TELO2: variants seen among roughly 807,000 people sequenced by gnomAD.
TELO2 encodes telomere length regulation protein TEL2 homolog.
In TELO2, 71 loss-of-function variants were observed where a neutral mutation model predicts 91.0. The ratio of observed to expected loss-of-function variants is 0.78; its 90% CI spans 0.64 to 0.95. TELO2 has a LOEUF of 0.95. TELO2 is among the 40% of genes least tolerant of loss of function. The pLI is 0.00. For missense variants in TELO2, 1,183 were observed against 1,141.3 expected (o/e 1.04, Z -0.53); for synonymous variants, 584 against 518.9 (o/e 1.13, Z -1.71).
chr16:1,506,787 G>A, intron 17 of TELO2, 165 bp from the exon 18 acceptor site: 1 of 1,416,578 alleles, frequency 7.1e-7, no homozygotes, highest in South Asian at 1.5e-5. Context: ...TGCAGGGGGA[G>A]TAGGCACCCG....
intron 17 of TELO2, chr16:1,506,688 G>A (rs2039905247): frequency 1.5e-6 from 2 of 1,378,694 alleles, no homozygotes; most frequent in Non-Finnish European, 1.9e-6. Flanking sequence ...AGATGGCAGA[G>A]AAGTGTGGGG....
At chr16:1,500,874 C>G (rs1230498625) in intron 9 of TELO2, among the ~76,000 whole-genome samples, 175 bp downstream of exon 9, 1 of 152,234 alleles carries the variant, frequency 6.6e-6, no homozygotes, top group Non-Finnish European at 1.5e-5. Flanking sequence ...CCCTGAGCTC[C>G]TGGGGCCACA....
chr16:1,507,095 G>A (rs1678484268), intron 18 of TELO2, 44 bp downstream of exon 18: 1 of 1,555,494 alleles, frequency 6.4e-7, no homozygotes, highest in Non-Finnish European at 8.7e-7. Context: ...TGCTAACCAT[G>A]GATCAGGAGC....
Position 1,507,265 on chromosome 16 carries a change from G to A in TELO2, c.2227-41G>A, listed in dbSNP as rs373887061. On this transcript the variant is annotated intron_variant, in intron 18 of 20. Transcript: ENST00000262319. ...CCCATGGGTGCTGGGATGTGGGGAC[G>A]GCGTCGGGACCCCACTGACTGTCCC... The A allele has an allele frequency of 5.6e-5, 89 of 1,598,116 alleles. 1 individual carries two copies. The Admixed American group carries it at 5.7e-4, about 10-fold the overall frequency.
rs769892759 is a variant in TELO2 at position 1,502,657 on chromosome 16, C to G, written c.1666C>G (p.Leu556Val). ...CCCCTGCGTGCAGGTGAGCGTGGAG[C>G]TGGCCAAGGTGCTTCTGCATCTGGA... Reference protein sequence around the residue: ...PTATREVSVELAKVLLHLEEK... With the variant: ...PTATREVSVEVAKVLLHLEEK... The change falls in exon 14 of 21, where the codon CTG (leucine) becomes GTG (valine). Residue 556 changes from leucine to valine, a missense_variant. Coordinates refer to ENST00000262319, the MANE Select transcript of TELO2 (RefSeq NM_016111.4). 6.2e-7 allele frequency: 1 copy of G among 1,611,870 alleles called. No homozygotes were observed. Among genetic ancestry groups the G allele is most frequent in the East Asian group, 2.2e-5 (1 of 44,862 alleles).
chr16:1,504,671 C>T (rs1488253768), intron 15 of TELO2, among the ~76,000 whole-genome samples: 1 of 149,128 alleles, frequency 6.7e-6, no homozygotes, highest in Non-Finnish European at 1.5e-5. Flanking sequence ...CATTCTCCTG[C>T]CTCAGCCTCC....
At chr16:1,498,344 T>C (rs1017202592) in intron 5 of TELO2, among the ~76,000 whole-genome samples, 1 of 152,020 alleles carries the variant, frequency 6.6e-6, no homozygotes, top group African/African-American at 2.4e-5. Flanking sequence ...TGGGTGAGGG[T>C]GTGTGTGTGT....
chr16:1,500,719 C>T lies in TELO2; in HGVS notation c.1281+20C>T, dbSNP rs201586497. ...TTCCAGGTGAGCGGGCCGTCCCCTC[C>T]GCGTCCCCGTGTGGCTGGCCCGGGT... On this transcript the variant is annotated intron_variant, in intron 9 of 20. Coordinates refer to ENST00000262319, the MANE Select transcript of TELO2 (RefSeq NM_016111.4). 1.1e-4 allele frequency: 176 copies of T among 1,610,656 alleles called. 1 individual carries two copies. In the East Asian group the frequency reaches 2.2e-3, roughly 20 times the overall value.
chr16:1,508,995 A>G (rs12597787), intron 20 of TELO2, among the ~76,000 whole-genome samples: 7,325 of 149,966 alleles, frequency 0.049, 449 homozygotes, highest in East Asian at 0.19. Flanking sequence ...ACCCCTCCTC[A>G]GCATGCTGTC....
Position 1,507,342 on chromosome 16 carries a change from G to C in TELO2, c.2263G>C (p.Val755Leu). The change falls in exon 19 of 21, where the codon GTG (valine) becomes CTG (leucine). Residue 755 changes from valine to leucine, a missense_variant. Physicochemically the swap from Val to Leu is conservative, Grantham distance 32. Coordinates refer to ENST00000262319, the MANE Select transcript of TELO2 (RefSeq NM_016111.4). The stretch of plus-strand genomic sequence containing the variant: ...CATGGGCAAGGCCCTGCTGGAATTC[G>C]TGTGGGCCCTTCGCTTCCACATCGA... ...VAMGKALLEF[V>L]WALRFHIDAY... 2 of 1,610,900 alleles carry C rather than the reference G, an allele frequency of 1.2e-6. No individual in the cohort carries two copies. The highest frequency in any genetic ancestry group is 1.7e-6 in the Non-Finnish European group (2 of 1,179,916).
chr16:1,506,624 C>T (rs1291388826), intron 17 of TELO2: 116 of 1,386,212 alleles, frequency 8.4e-5, no homozygotes, highest in Non-Finnish European at 1.1e-4. Flanking sequence ...TGCTCGCCTC[C>T]TCCTGCCTCA....
At chr16:1,495,648 C>T in intron 3 of TELO2, 25 bp downstream of exon 3, 3 of 1,560,024 alleles carry the variant, frequency 1.9e-6, no homozygotes, top group African/African-American at 1.4e-5. Context: ...CGGGGACCCC[C>T]TTTGCCACCC....
intron 15 of TELO2, among the ~76,000 whole-genome samples, chr16:1,504,259 CCT>C (rs2039804696): frequency 6.6e-6 from 1 of 151,194 alleles, no homozygotes; most frequent in Admixed American, 6.6e-5. Flanking sequence ...ATGGTGAAAC[CCT>C]GTTTCTACTA....
chr16:1,494,312 G>C lies in TELO2; in HGVS notation c.31G>C (p.Ala11Pro). MEPAPSEVRL[A>P]VREAIHALSS... The stretch of plus-strand genomic sequence containing the variant: ...GCCAGCACCCTCAGAGGTTCGACTC[G>C]CCGTCCGGGAAGCCATTCATGCCCT... Residue 11 changes from alanine (A) to proline (P), a missense_variant, in exon 2 of 21, where the codon GCC becomes CCC. Physicochemically the swap from Ala to Pro is conservative, Grantham distance 27 (BLOSUM62 -1). Transcript: ENST00000262319. The surrounding 1 kb of genome is among the most constrained non-coding windows in gnomAD (Gnocchi z 5.6). The C allele has an allele frequency of 6.2e-7, 1 of 1,613,334 alleles. No individual in the cohort carries two copies. Among genetic ancestry groups the C allele is most frequent in the Non-Finnish European group, 8.5e-7 (1 of 1,179,916 alleles).
Position 1,493,730 on chromosome 16 carries a change from C to G in TELO2, c.-37+125C>G, listed in dbSNP as rs1040280919. On this transcript the variant is annotated intron_variant, in intron 1 of 20. Coordinates refer to ENST00000262319, the MANE Select transcript of TELO2 (RefSeq NM_016111.4). The surrounding 1 kb of genome is among the most constrained non-coding windows in gnomAD (Gnocchi z 4.3). ...CGGGGTCCGGGTACAGGTCGGGGTC[C>G]GGGCCTGGATCGGGGGCGGGTCCGC... The G allele has an allele frequency of 6.3e-6, 1 of 158,156 alleles. No individual in the cohort carries two copies. The highest frequency in any genetic ancestry group is 2.4e-5 in the African/African-American group (1 of 41,502). 9.8% of individuals were successfully genotyped at this position (158,156 alleles called of 1,614,324 possible).
At chr16:1,496,656 C>T (rs558639749) in intron 3 of TELO2, among the ~76,000 whole-genome samples, 58 of 152,284 alleles carry the variant, frequency 3.8e-4, no homozygotes, top group African/African-American at 1.3e-3. Context: ...TGTGGGCGGC[C>T]GTGGTGGTGG....
chr16:1,498,310 C>T (rs965988769), intron 5 of TELO2, among the ~76,000 whole-genome samples: 3 of 152,318 alleles, frequency 2.0e-5, no homozygotes, highest in African/African-American at 7.2e-5. Context: ...CCCCTGCACC[C>T]GGCTGACTTT....
intron 15 of TELO2, among the ~76,000 whole-genome samples, chr16:1,504,433 C>CAAAA (rs1197074771): frequency 3.7e-5 from 1 of 26,918 alleles, no homozygotes; most frequent in African/African-American, 1.1e-4. Flanking sequence ...GACTCCATCT[C>CAAAA]AAAAAAAAAA....
At position 1,497,267 on chromosome 16, in the gene TELO2, G is replaced by C; in HGVS notation, c.683-94G>C. The C allele has an allele frequency of 1.3e-6, 2 of 1,489,266 alleles. No homozygotes were observed. The highest frequency in any genetic ancestry group is 9.0e-7 in the Non-Finnish European group (1 of 1,112,436). The allele number at this position is 1,489,266 out of a possible 1,614,324, so 92.3% of individuals were successfully genotyped here. ...ATCTGGGGCTCAGCTGTGCTTACTGGGGAGCTGTGGGACTGTCCTTGCTGG... is the reference window on the plus strand; with the variant it reads ...ATCTGGGGCTCAGCTGTGCTTACTGCGGAGCTGTGGGACTGTCCTTGCTGG... On this transcript the variant is annotated intron_variant, in intron 4 of 20. Transcript: ENST00000262319. This position sits in a 1 kb window ranked among gnomAD's most constrained non-coding sequence, Gnocchi z 4.0.
Sources: allele counts gnomAD v4.1 joint callset (sites outside exome capture counted in the v4.1 genomes callset), GRCh38; gene constraint gnomAD v4.1.1; non-coding constraint Gnocchi (gnomAD v3.1); transcripts MANE v1.5; gene names NCBI Gene and HGNC (gene_info 2026-07-23, HGNC 2026-07-21).